The following TENM3 variants were observed in gnomAD, a reference collection of about 807,000 sequenced individuals.
TENM3 encodes teneurin transmembrane protein 3, also known as teneurin-3.
In TENM3, 63 loss-of-function variants were observed where a neutral mutation model predicts 255.1. The observed-to-expected ratio is 0.25, with a 90% confidence interval of 0.20 to 0.30. The LOEUF (loss-of-function observed/expected upper bound fraction) is 0.30, where lower values mean the gene tolerates loss of function less well. Among genes scored for constraint, TENM3 ranks in the 10% least tolerant of loss-of-function variants. The pLI is 1.00. For missense variants in TENM3, 2,929 were observed against 3,461.1 expected (o/e 0.85, Z 3.86); for synonymous variants, 1,306 against 1,322.3 (o/e 0.99, Z 0.27).
chr4:182,534,154 C>T (rs1271051826), intron 3 of TENM3, among the ~76,000 whole-genome samples: 1 of 152,104 alleles, frequency 6.6e-6, no homozygotes, highest in African/African-American at 2.4e-5. Flanking sequence ...ATGATGACAT[C>T]ATAGTACAAT....
the TENM3 span, among the ~76,000 whole-genome samples, chr4:181,635,894 G>T: frequency 2.0e-5 from 3 of 152,108 alleles, no homozygotes. Context: ...AACAGACATG[G>T]CCATTCTTGT....
chr4:182,077,426 G>A, the TENM3 span, among the ~76,000 whole-genome samples: 1 of 152,134 alleles, frequency 6.6e-6, no homozygotes, highest in Non-Finnish European at 1.5e-5. Context: ...AAGCAAAATG[G>A]AAATGGCCCC....
intron 3 of TENM3, among the ~76,000 whole-genome samples, chr4:182,417,336 T>C (rs1414766654): frequency 6.6e-6 from 1 of 152,152 alleles, no homozygotes; most frequent in African/African-American, 2.4e-5. Flanking sequence ...TTGGACCTTG[T>C]TTCTCAGTGA....
chr4:181,574,843 G>T, the TENM3 span, among the ~76,000 whole-genome samples: 17 of 152,180 alleles, frequency 1.1e-4, no homozygotes, highest in African/African-American at 4.1e-4. Context: ...TACATCATGG[G>T]ACTAAAGATC....
chr4:182,441,308 A>G (rs1379136854), intron 3 of TENM3, among the ~76,000 whole-genome samples: 2 of 152,186 alleles, frequency 1.3e-5, no homozygotes, highest in East Asian at 3.9e-4. Flanking sequence ...TTAGCTTAGG[A>G]GTATGTGAGA....
At chr4:182,587,004 A>G (rs1051506060) in intron 3 of TENM3, among the ~76,000 whole-genome samples, 1 of 152,228 alleles carries the variant, frequency 6.6e-6, no homozygotes, top group African/African-American at 2.4e-5. Flanking sequence ...AAAAAAGCTC[A>G]AAGCAGACTG....
At chr4:182,655,137 A>G (rs1261190772) in intron 6 of TENM3, among the ~76,000 whole-genome samples, 2 of 152,176 alleles carry the variant, frequency 1.3e-5, no homozygotes, top group East Asian at 1.9e-4. Flanking sequence ...TTTTTTATAC[A>G]TTAATAACAT....
chr4:182,631,179 G>A (rs1751331340), intron 5 of TENM3, among the ~76,000 whole-genome samples: 1 of 151,542 alleles, frequency 6.6e-6, no homozygotes, highest in Non-Finnish European at 1.5e-5. Context: ...TTCCCCACAT[G>A]GCAACATGCA....
At chr4:181,712,215 C>CCT in the TENM3 span, among the ~76,000 whole-genome samples, 1 of 152,240 alleles carries the variant, frequency 6.6e-6, no homozygotes, top group East Asian at 1.9e-4. Context: ...TGGCTTGGAT[C>CCT]TATGTTCCCA....
intron 17 of TENM3, among the ~76,000 whole-genome samples, chr4:182,737,867 A>G (rs754570463): frequency 6.6e-5 from 10 of 152,154 alleles, no homozygotes; most frequent in Admixed American, 1.3e-4. Flanking sequence ...AACTCTGGAA[A>G]GCTTTTCATC....
intron 1 of TENM3, among the ~76,000 whole-genome samples, chr4:182,191,129 A>G (rs749488740): frequency 1.8e-4 from 27 of 152,170 alleles, no homozygotes; most frequent in Non-Finnish European, 3.4e-4. Flanking sequence ...GTATTATTAA[A>G]CTTGGGTGAT....
the TENM3 span, among the ~76,000 whole-genome samples, chr4:182,086,704 G>A: frequency 8.2e-4 from 125 of 152,290 alleles, no homozygotes; most frequent in Non-Finnish European, 1.5e-3. Context: ...GGTAGGCTGC[G>A]GTGGAATTAG....
chr4:182,014,014 ACG>A, the TENM3 span, among the ~76,000 whole-genome samples: 2 of 46,840 alleles, frequency 4.3e-5, no homozygotes, highest in Non-Finnish European at 4.4e-5. Context: ...ACGTATATAT[ACG>A]TGTATATACG....
intron 3 of TENM3, among the ~76,000 whole-genome samples, chr4:182,456,323 G>A (rs1773875416): frequency 6.6e-6 from 1 of 152,158 alleles, no homozygotes; most frequent in Non-Finnish European, 1.5e-5. Flanking sequence ...AATGAAATAA[G>A]AACAGAAAGG....
chr4:181,897,726 T>A, the TENM3 span, among the ~76,000 whole-genome samples: 1 of 152,310 alleles, frequency 6.6e-6, no homozygotes, highest in Non-Finnish European at 1.5e-5. Flanking sequence ...CAAGGACAGT[T>A]TTTATGCTGG....
At chr4:182,149,682 C>T (rs1043490146) in intron 1 of TENM3, among the ~76,000 whole-genome samples, 13 of 151,966 alleles carry the variant, frequency 8.6e-5, no homozygotes, top group African/African-American at 2.9e-4. Context: ...CAGTCTTAAC[C>T]GAGTTCCTTG....
At chr4:182,729,596 A>G (rs1760516632) in intron 14 of TENM3, among the ~76,000 whole-genome samples, 1 of 152,172 alleles carries the variant, frequency 6.6e-6, no homozygotes, top group African/African-American at 2.4e-5. Flanking sequence ...GTAAGATTGC[A>G]TAAGCTGTTT....
At chr4:181,569,116 T>C in the TENM3 span, among the ~76,000 whole-genome samples, 1 of 152,260 alleles carries the variant, frequency 6.6e-6, no homozygotes, top group African/African-American at 2.4e-5. Flanking sequence ...GACCATCACT[T>C]GAGCCCAGGA....
chr4:182,188,356 A>G (rs1339755451), intron 1 of TENM3, among the ~76,000 whole-genome samples: 5 of 152,064 alleles, frequency 3.3e-5, no homozygotes, highest in African/African-American at 9.7e-5. Flanking sequence ...AGGTTTCTCA[A>G]GAAACCTTGA....
Sources: gnomAD v4.1 joint callset for allele counts (sites outside exome capture counted in the v4.1 genomes callset) on GRCh38, gnomAD v4.1.1 for gene constraint, MANE v1.5 for transcripts, NCBI Gene and HGNC (gene_info 2026-07-23, HGNC 2026-07-21) for gene names.